The following OR52E5 variants were observed in gnomAD, a reference collection of about 807,000 sequenced individuals.
OR52E5 encodes olfactory receptor family 52 subfamily E member 5, also known as olfactory receptor 52E5.
At chr11:5,896,542 G>A (rs11039498) in intron 2 of OR52E5, among the ~76,000 whole-genome samples, 6 of 152,120 alleles carry the variant, frequency 3.9e-5, no homozygotes, top group Admixed American at 3.3e-4. Flanking sequence ...CATTGTATGA[G>A]AAATAAGGAT....
chr11:5,893,682 T>C (rs1284246800), intron 1 of OR52E5, among the ~76,000 whole-genome samples: 1 of 152,144 alleles, frequency 6.6e-6, no homozygotes, highest in Non-Finnish European at 1.5e-5. Context: ...GAATCTCAGA[T>C]GCTGAAACCT....
chr11:5,893,774 C>T (rs1847136123), intron 1 of OR52E5, among the ~76,000 whole-genome samples: 1 of 151,958 alleles, frequency 6.6e-6, no homozygotes, highest in Non-Finnish European at 1.5e-5. Flanking sequence ...CACAGTGTGG[C>T]CCATTGCCAA....
rs1008550379 is a variant in OR52E5 at position 5,900,490 on chromosome 11, C to G, written c.-145-142C>G. The G allele has an allele frequency of 2.1e-4, 57 of 268,940 alleles. No individual in the cohort carries two copies. In the East Asian group the frequency reaches 3.5e-3, roughly 16 times the overall value. The allele number at this position is 268,940 out of a possible 1,614,324, so 16.7% of individuals were successfully genotyped here. ...ATTTAATGCCATATGGAAGTTTTTTCTTAGAGACTGAAGGGAGGAAAGACA... is the reference window on the plus strand; with the variant it reads ...ATTTAATGCCATATGGAAGTTTTTTGTTAGAGACTGAAGGGAGGAAAGACA... On this transcript the variant is annotated intron_variant, in intron 2 of 2. Transcript: ENST00000610445.
intron 2 of OR52E5, among the ~76,000 whole-genome samples, chr11:5,896,524 A>G (rs1251896207): frequency 6.6e-6 from 1 of 152,112 alleles, no homozygotes; most frequent in Non-Finnish European, 1.5e-5. Flanking sequence ...TAATAGAGAT[A>G]TGAAATACAT....
rs77691788 is a variant in OR52E5 at position 5,899,308 on chromosome 11, C to T, written c.-145-1324C>T. Among the ~76,000 whole-genome samples the T allele has an allele frequency of 1.2e-3, 180 of 152,208 alleles. 5 individuals carry two copies. The East Asian group carries it at 0.03, about 26-fold the overall frequency. ...TACTAACTTTCCTATAATCAGATCC[C>T]ATAAGGAGAAAAAGATGATTAATAC... On this transcript the variant is annotated intron_variant, in intron 2 of 2. Coordinates refer to ENST00000610445, the MANE Select transcript of OR52E5 (RefSeq NM_001005166.5).
At chr11:5,897,609 G>A (rs557053734) in intron 2 of OR52E5, among the ~76,000 whole-genome samples, 32 of 152,240 alleles carry the variant, frequency 2.1e-4, no homozygotes, top group African/African-American at 7.5e-4. Flanking sequence ...GTGTATTTTT[G>A]ATCAGTCCAT....
At chr11:5,899,534 T>C (rs1847220668) in intron 2 of OR52E5, among the ~76,000 whole-genome samples, 1 of 152,172 alleles carries the variant, frequency 6.6e-6, no homozygotes. Context: ...TCTTTAGGAT[T>C]AGTAGCACCA....
At chr11:5,895,757 T>C (rs994754539) in intron 2 of OR52E5, 44 bp downstream of exon 2, 4 of 152,212 alleles carry the variant, frequency 2.6e-5, no homozygotes, top group Admixed American at 6.5e-5. Context: ...TGTTAGTCTA[T>C]GTATATCAGT....
chr11:5,896,737 T>A (rs936733287), intron 2 of OR52E5, among the ~76,000 whole-genome samples: 1 of 152,182 alleles, frequency 6.6e-6, no homozygotes, highest in East Asian at 1.9e-4. Context: ...GTGGTGATCA[T>A]GTGATTAATT....
In OR52E5 at chr11:5,901,101, T is replaced by C. The variant is rs1321964526; in HGVS notation, c.325T>C (p.Cys109Arg). 2 of 401,484 alleles carry C rather than the reference T, an allele frequency of 5.0e-6. No individual in the cohort carries two copies. The highest frequency in any genetic ancestry group is 8.8e-6 in the Non-Finnish European group (2 of 226,332). 24.9% of individuals were successfully genotyped at this position (401,484 alleles called of 1,614,324 possible). The change falls in exon 3 of 3, where the codon TGC becomes CGC. Residue 109 changes from cysteine to arginine, a missense_variant. By Grantham distance (180) the Cys-to-Arg change is radical. Coordinates refer to ENST00000610445, the MANE Select transcript of OR52E5 (RefSeq NM_001005166.5). ...CITQMYTIHI[C>R]TGLESVVLTV... is the part of the protein sequence containing the mutation. ...CACACAGATGTATACCATTCATATA[T>C]GCACTGGCCTGGAGTCTGTGGTACT...
intron 2 of OR52E5, among the ~76,000 whole-genome samples, chr11:5,896,502 G>T (rs1398250331): frequency 6.6e-6 from 1 of 151,822 alleles, no homozygotes; most frequent in African/African-American, 2.4e-5. Flanking sequence ...TAACTGTAAG[G>T]ATGTTACATA....
intron 2 of OR52E5, among the ~76,000 whole-genome samples, chr11:5,897,550 T>G (rs969661813): frequency 4.6e-5 from 7 of 152,240 alleles, no homozygotes; most frequent in Non-Finnish European, 8.8e-5. Flanking sequence ...CTTAGGTTGA[T>G]TTCATGACTG....
At position 5,901,537 on chromosome 11, in the gene OR52E5, C is replaced by T. The variant is rs1260428836; in HGVS notation, c.761C>T (p.Ala254Val). Residue 254 changes from alanine to valine, a missense_variant, in exon 3 of 3, where the codon GCC becomes GTC. Transcript: ENST00000610445. ...VCVMLAFYLP[A>V]LFSFMTHRFG... ...GTTATGTTGGCTTTCTACCTGCCAG[C>T]CCTCTTTTCCTTCATGACACACCGC... 3 of 401,742 alleles carry T rather than the reference C, an allele frequency of 7.5e-6. No homozygotes were observed. The highest frequency in any genetic ancestry group is 4.4e-5 in the Admixed American group (1 of 22,708). 24.9% of individuals were successfully genotyped at this position (401,742 alleles called of 1,614,324 possible).
chr11:5,894,798 T>C (rs954911251), intron 1 of OR52E5, among the ~76,000 whole-genome samples: 15 of 152,166 alleles, frequency 9.9e-5, no homozygotes, highest in Admixed American at 9.8e-4. Flanking sequence ...AGTTAATATT[T>C]TTAATATTTT....
intron 2 of OR52E5, among the ~76,000 whole-genome samples, chr11:5,899,077 C>T (rs751878989): frequency 4.6e-5 from 7 of 152,164 alleles, no homozygotes; most frequent in South Asian, 2.1e-4. Flanking sequence ...AATGTCTTTC[C>T]GTTAGTTTGC....
chr11:5,901,492 C>T lies in OR52E5; in HGVS notation c.716C>T (p.Thr239Ile), dbSNP rs1847253145. ...AWDARPKALS[T>I]CGSHVCVMLA... ...GATGCCCGGCCTAAGGCACTCAGCA[C>T]ATGTGGCTCTCACGTCTGTGTTATG... Residue 239 changes from threonine to isoleucine, a missense_variant, in exon 3 of 3, where the codon ACA becomes ATA. By Grantham distance (89) the Thr-to-Ile change is moderately conservative. Transcript: ENST00000610445. The T allele has an allele frequency of 2.5e-6, 1 of 401,736 alleles. No homozygotes were observed. Among genetic ancestry groups the T allele is most frequent in the Admixed American group, 4.4e-5 (1 of 22,724 alleles). 24.9% of individuals were successfully genotyped at this position (401,736 alleles called of 1,614,324 possible).
intron 2 of OR52E5, among the ~76,000 whole-genome samples, chr11:5,899,061 G>C (rs1847214719): frequency 6.6e-6 from 1 of 152,182 alleles, no homozygotes; most frequent in African/African-American, 2.4e-5. Flanking sequence ...CAGATTATGA[G>C]TGTGAAATGT....
intron 1 of OR52E5, among the ~76,000 whole-genome samples, chr11:5,894,295 A>C (rs2134286680): frequency 6.6e-6 from 1 of 152,296 alleles, no homozygotes; most frequent in East Asian, 1.9e-4. Context: ...CTTCTGATTA[A>C]GGTGGTCTTA....
At chr11:5,895,518 T>A (rs1450950432) in intron 1 of OR52E5, 114 bp from the exon 2 acceptor site, 1 of 152,222 alleles carries the variant, frequency 6.6e-6, no homozygotes, top group East Asian at 1.9e-4. Flanking sequence ...TCTCTATAGC[T>A]TATTCATTAA....
Sources: gnomAD v4.1 joint callset for allele counts (sites outside exome capture counted in the v4.1 genomes callset) on GRCh38, gnomAD v4.1.1 for gene constraint, MANE v1.5 for transcripts, NCBI Gene and HGNC (gene_info 2026-07-23, HGNC 2026-07-21) for gene names.